Variants in LHFPL3 observed in about 807,000 individuals in gnomAD.
LHFPL3 encodes the protein LHFPL tetraspan subfamily member 3 protein.
Under a neutral mutation model 19.3 loss-of-function variants are expected in LHFPL3, and 5 were observed. That is an observed-to-expected ratio of 0.26 (90% CI 0.14 to 0.54). The LOEUF (loss-of-function observed/expected upper bound fraction) is 0.54, where lower values mean the gene tolerates loss of function less well. LHFPL3 is among the 20% of genes least tolerant of loss of function. The probability of loss-of-function intolerance (pLI) is 0.94; values close to 1 mark genes in which losing one functional copy is unlikely to be tolerated. For missense variants in LHFPL3, 249 were observed against 307.4 expected (o/e 0.81, Z 1.42); for synonymous variants, 133 against 126.2 (o/e 1.05, Z -0.36).
intron 2 of LHFPL3, among the ~76,000 whole-genome samples, chr7:104,817,759 A>G (rs1790590692): frequency 6.6e-6 from 1 of 152,044 alleles, no homozygotes; most frequent in African/African-American, 2.4e-5. Flanking sequence ...ACAAACCCCC[A>G]TGGCCACACC....
intron 1 of LHFPL3, among the ~76,000 whole-genome samples, chr7:104,596,178 A>G (rs1226215293): frequency 1.3e-5 from 2 of 152,212 alleles, no homozygotes; most frequent in Admixed American, 6.5e-5. Flanking sequence ...AGCTGTTCCT[A>G]TTCAGCCATC....
intron 1 of LHFPL3, among the ~76,000 whole-genome samples, chr7:104,654,839 C>G (rs961629080): frequency 6.6e-6 from 1 of 152,168 alleles, no homozygotes; most frequent in Admixed American, 6.5e-5. Context: ...ACCCCACCAG[C>G]CCCTTCCTCT....
chr7:104,387,809 T>C (rs943217580), intron 1 of LHFPL3, among the ~76,000 whole-genome samples: 4 of 152,172 alleles, frequency 2.6e-5, no homozygotes, highest in Non-Finnish European at 5.9e-5. Context: ...TTTTAACTTT[T>C]AGGTTCGGGG....
intron 1 of LHFPL3, among the ~76,000 whole-genome samples, chr7:104,687,641 T>A (rs757971676): frequency 4.6e-5 from 7 of 152,166 alleles, no homozygotes; most frequent in Non-Finnish European, 1.0e-4. Flanking sequence ...AAAAGAGGGA[T>A]GAAGGCCAAA....
At chr7:104,445,651 A>G (rs1792316305) in intron 1 of LHFPL3, among the ~76,000 whole-genome samples, 1 of 152,234 alleles carries the variant, frequency 6.6e-6, no homozygotes, top group African/African-American at 2.4e-5. Flanking sequence ...AAAAGGCCAG[A>G]CTTCAGTCTG....
chr7:104,689,656 A>T (rs1246337759), intron 1 of LHFPL3, among the ~76,000 whole-genome samples: 1 of 152,154 alleles, frequency 6.6e-6, no homozygotes, highest in African/African-American at 2.4e-5. Context: ...CTTTTAGCAG[A>T]GTAACTGTGC....
intron 1 of LHFPL3, among the ~76,000 whole-genome samples, chr7:104,436,057 A>G (rs1026400621): frequency 6.6e-6 from 1 of 152,176 alleles, no homozygotes; most frequent in Admixed American, 6.5e-5. Context: ...TATTCATTAT[A>G]GTCTAGACCT....
chr7:104,832,003 C>G (rs1042394155), intron 2 of LHFPL3, among the ~76,000 whole-genome samples: 1 of 151,974 alleles, frequency 6.6e-6, no homozygotes, highest in African/African-American at 2.4e-5. Flanking sequence ...CATTTGGTGA[C>G]TAATGATGTG....
chr7:104,783,268 C>G (rs1311655295), intron 2 of LHFPL3, among the ~76,000 whole-genome samples: 1 of 152,232 alleles, frequency 6.6e-6, no homozygotes, highest in East Asian at 1.9e-4. Flanking sequence ...GGAATAGGGA[C>G]TGCTCCTGTG....
At chr7:104,430,442 ATATATATATATATTTTTTTTTTTTTTTTT>A (rs1791971741) in intron 1 of LHFPL3, among the ~76,000 whole-genome samples, 2 of 16,926 alleles carry the variant, frequency 1.2e-4, no homozygotes, top group African/African-American at 6.3e-4. Flanking sequence ...ATATATATAT[ATATATATATATATTTTTTTTTTTTTTTTT>A]TTTTTTTTTT....
At chr7:104,807,915 T>C (rs1790395279) in intron 2 of LHFPL3, among the ~76,000 whole-genome samples, 1 of 152,238 alleles carries the variant, frequency 6.6e-6, no homozygotes, top group Non-Finnish European at 1.5e-5. Flanking sequence ...GGACATTCTT[T>C]AGAAGAAATC....
chr7:104,438,971 A>C (rs1562897712), intron 1 of LHFPL3, among the ~76,000 whole-genome samples: 1 of 152,364 alleles, frequency 6.6e-6, no homozygotes, highest in East Asian at 1.9e-4. Context: ...GTCTATGTCA[A>C]TAAATTCAAC....
intron 1 of LHFPL3, chr7:104,669,244 C>G: frequency 6.2e-7 from 1 of 1,613,874 alleles, no homozygotes. Context: ...AGACACAGAG[C>G]AGCAATCCCC....
chr7:104,615,018 G>C (rs758545626), intron 1 of LHFPL3, among the ~76,000 whole-genome samples: 2 of 152,046 alleles, frequency 1.3e-5, no homozygotes, highest in African/African-American at 2.4e-5. Context: ...GTCTCCCAAA[G>C]CACTGAGATT....
At chr7:104,365,479 A>G (rs967758012) in intron 1 of LHFPL3, among the ~76,000 whole-genome samples, 35 of 151,718 alleles carry the variant, frequency 2.3e-4, no homozygotes, top group African/African-American at 7.2e-4. Context: ...GCGAGGTAGC[A>G]TCAACAAGAT....
At chr7:104,899,998 C>T (rs777984613) in intron 2 of LHFPL3, among the ~76,000 whole-genome samples, 4 of 152,224 alleles carry the variant, frequency 2.6e-5, no homozygotes, top group Non-Finnish European at 5.9e-5. Context: ...TCCCAAAGTG[C>T]TGGGATTACA....
At chr7:104,349,620 T>C (rs1382108486) in intron 1 of LHFPL3, among the ~76,000 whole-genome samples, 1 of 152,250 alleles carries the variant, frequency 6.6e-6, no homozygotes, top group Non-Finnish European at 1.5e-5. Context: ...ATACCTAATG[T>C]AGATGACAGG....
chr7:104,437,027 G>T (rs1792121140), intron 1 of LHFPL3, among the ~76,000 whole-genome samples: 1 of 152,152 alleles, frequency 6.6e-6, no homozygotes, highest in Non-Finnish European at 1.5e-5. Flanking sequence ...TAACCTTGAA[G>T]GGATAGATTA....
intron 2 of LHFPL3, among the ~76,000 whole-genome samples, chr7:104,852,871 C>T (rs1791438033): frequency 2.0e-5 from 3 of 152,158 alleles, no homozygotes; most frequent in African/African-American, 7.2e-5. Context: ...CCCAGTCCCA[C>T]CCCCACCTTC....
Sources: gnomAD v4.1 joint callset for allele counts (sites outside exome capture counted in the v4.1 genomes callset) on GRCh38, gnomAD v4.1.1 for gene constraint, MANE v1.5 for transcripts, NCBI Gene and HGNC (gene_info 2026-07-23, HGNC 2026-07-21) for gene names.